MAST4: variants seen among roughly 807,000 people sequenced by gnomAD.
MAST4 encodes microtubule-associated serine/threonine-protein kinase 4.
Under a neutral mutation model 162.7 loss-of-function variants are expected in MAST4, and 89 were observed. The observed-to-expected ratio is 0.55, with a 90% CI of 0.46 to 0.65. The LOEUF (loss-of-function observed/expected upper bound fraction) is 0.65, where lower values mean the gene tolerates loss of function less well. MAST4 is among the 30% of genes least tolerant of loss of function. MAST4 has a pLI of 0.00. For synonymous variants in MAST4, 1,479 were observed against 1,361.1 expected (o/e 1.09, Z -1.91); for missense variants, 3,153 against 3,374.0 (o/e 0.93, Z 1.62).
At chr5:66,991,815 G>T (rs1307129819) in intron 4 of MAST4, among the ~76,000 whole-genome samples, 2 of 152,184 alleles carry the variant, frequency 1.3e-5, no homozygotes, top group African/African-American at 2.4e-5. Context: ...GGCAGTTTAT[G>T]GTTTAGGATT....
intron 1 of MAST4, among the ~76,000 whole-genome samples, chr5:66,632,597 T>A (rs1346063225): frequency 6.6e-6 from 1 of 152,200 alleles, no homozygotes; most frequent in Non-Finnish European, 1.5e-5. Flanking sequence ...TTCTAGTTTA[T>A]CCAGGTAGTT....
At chr5:66,771,664 G>A (rs1754365076) in intron 2 of MAST4, among the ~76,000 whole-genome samples, 1 of 151,848 alleles carries the variant, frequency 6.6e-6, no homozygotes. Flanking sequence ...GGTCCTTCCC[G>A]AGGAAACAAG....
intron 5 of MAST4, among the ~76,000 whole-genome samples, chr5:67,078,589 T>C (rs1026966680): frequency 6.8e-6 from 1 of 147,288 alleles, no homozygotes; most frequent in Non-Finnish European, 1.5e-5. Flanking sequence ...TGTACAATTT[T>C]TGTCAAGTCA....
intron 10 of MAST4, among the ~76,000 whole-genome samples, chr5:67,107,295 TTAAAA>T (rs1483837241): frequency 1.1e-3 from 172 of 152,346 alleles, no homozygotes; most frequent in African/African-American, 3.9e-3. Context: ...TTCATGACAA[TTAAAA>T]TAAAATCTTA....
At chr5:66,861,203 T>C (rs1271441511) in intron 3 of MAST4, among the ~76,000 whole-genome samples, 3 of 152,234 alleles carry the variant, frequency 2.0e-5, no homozygotes, top group Admixed American at 2.0e-4. Flanking sequence ...AGCCCCTATC[T>C]GGGCTCTAGT....
At chr5:66,885,007 C>T (rs27424) in intron 3 of MAST4, among the ~76,000 whole-genome samples, 1 of 151,968 alleles carries the variant, frequency 6.6e-6, no homozygotes. Flanking sequence ...CCTGCTTCGA[C>T]GGAGTGTTAT....
At chr5:66,667,826 C>G (rs945723626) in intron 1 of MAST4, among the ~76,000 whole-genome samples, 1 of 152,178 alleles carries the variant, frequency 6.6e-6, no homozygotes, top group Non-Finnish European at 1.5e-5. Flanking sequence ...GTGAAGAAAT[C>G]TGGTATTCAC....
At chr5:66,611,022 A>G (rs1052102190) in intron 1 of MAST4, among the ~76,000 whole-genome samples, 2 of 152,246 alleles carry the variant, frequency 1.3e-5, no homozygotes, top group African/African-American at 4.8e-5. Context: ...CAGAAAATCC[A>G]TCAGAATGCC....
At chr5:66,807,495 T>A (rs1245959582) in intron 3 of MAST4, among the ~76,000 whole-genome samples, 1 of 141,038 alleles carries the variant, frequency 7.1e-6, no homozygotes. Flanking sequence ...AGAGCGAGAC[T>A]CCGTCTCAAA....
At chr5:66,715,673 TAATAA>T (rs139921834) in intron 1 of MAST4, among the ~76,000 whole-genome samples, 37,764 of 126,458 alleles carry the variant, frequency 0.3, 5,450 homozygotes, top group East Asian at 0.57. Flanking sequence ...AGTATAATAA[TAATAA>T]AATAAAAATT....
At chr5:66,996,615 A>G (rs929700950) in intron 4 of MAST4, among the ~76,000 whole-genome samples, 1 of 152,100 alleles carries the variant, frequency 6.6e-6, no homozygotes. Context: ...GCTGAGGTGG[A>G]ATCTGTTTCC....
intron 4 of MAST4, among the ~76,000 whole-genome samples, chr5:66,971,989 T>C (rs1352301404): frequency 6.7e-6 from 1 of 149,594 alleles, no homozygotes; most frequent in Non-Finnish European, 1.5e-5. Context: ...AAAGGAGTAA[T>C]ACAAATGCGA....
chr5:67,125,249 C>CT (rs200572968), intron 14 of MAST4, among the ~76,000 whole-genome samples: 170 of 142,204 alleles, frequency 1.2e-3, no homozygotes, highest in South Asian at 5.2e-3. Context: ...TTTTTTGGTT[C>CT]TTTTTTTTTT....
At chr5:66,898,098 A>T (rs905964378) in intron 3 of MAST4, among the ~76,000 whole-genome samples, 1 of 152,186 alleles carries the variant, frequency 6.6e-6, no homozygotes. Flanking sequence ...ACAGAGCAGT[A>T]TTATTCATTT....
At chr5:66,881,013 A>G (rs550982921) in intron 3 of MAST4, among the ~76,000 whole-genome samples, 100 of 152,310 alleles carry the variant, frequency 6.6e-4, no homozygotes, top group African/African-American at 2.2e-3. Flanking sequence ...TATCCAGAAA[A>G]GTGCAAATAT....
chr5:67,106,428 A>C (rs1405385548), intron 10 of MAST4, among the ~76,000 whole-genome samples: 1 of 152,150 alleles, frequency 6.6e-6, no homozygotes, highest in African/African-American at 2.4e-5. Context: ...ACTGCCATCT[A>C]TCCAGTCACC....
chr5:66,774,402 T>C (rs74846220), intron 2 of MAST4, among the ~76,000 whole-genome samples: 2,554 of 152,258 alleles, frequency 0.017, 69 homozygotes, highest in African/African-American at 0.057. Flanking sequence ...CACATACCTG[T>C]GGTTATGAGT....
At chr5:66,831,448 C>T (rs918387082) in intron 3 of MAST4, among the ~76,000 whole-genome samples, 1 of 152,146 alleles carries the variant, frequency 6.6e-6, no homozygotes, top group African/African-American at 2.4e-5. Flanking sequence ...TCTAATTTTA[C>T]AATAATGTAT....
intron 1 of MAST4, among the ~76,000 whole-genome samples, chr5:66,628,126 G>A (rs1261490027): frequency 6.6e-6 from 1 of 152,048 alleles, no homozygotes; most frequent in East Asian, 1.9e-4. Flanking sequence ...TGAATCTCCT[G>A]AGCTCAAGTG....
Sources: gnomAD v4.1 joint callset for allele counts (sites outside exome capture counted in the v4.1 genomes callset) on GRCh38, gnomAD v4.1.1 for gene constraint, MANE v1.5 for transcripts, NCBI Gene and HGNC (gene_info 2026-07-23, HGNC 2026-07-21) for gene names.